EVC: variants seen among roughly 807,000 people sequenced by gnomAD.
EVC encodes EvC ciliary complex subunit 1.
Under a neutral mutation model 118.9 loss-of-function variants are expected in EVC, and 116 were observed. The ratio of observed to expected loss-of-function variants is 0.98; its 90% confidence interval spans 0.84 to 1.14. The LOEUF is 1.14. EVC is among the 50% of genes most tolerant of loss of function. The pLI is 0.00. For missense variants in EVC, 1,401 were observed against 1,246.4 expected (o/e 1.12, Z -1.87); for synonymous variants, 619 against 534.7 (o/e 1.16, Z -2.18).
At position 5,801,846 on chromosome 4, in the gene EVC, T is replaced by C; in HGVS notation, c.2305-104T>C. On this transcript the variant is annotated intron_variant, in intron 15 of 20. Coordinates refer to ENST00000264956, the MANE Select transcript of EVC (RefSeq NM_153717.3). ...TGACCAATCCAGGTTGGTGAGTAGGTGGAAGATCTGAACCAGGGCATGGGG... is the reference window on the plus strand; with the variant it reads ...TGACCAATCCAGGTTGGTGAGTAGGCGGAAGATCTGAACCAGGGCATGGGG... 3.0e-6 allele frequency: 4 copies of C among 1,334,588 alleles called. No homozygotes were observed. In the South Asian group the frequency reaches 3.8e-5, roughly 13 times the overall value. 82.7% of individuals were successfully genotyped at this position (1,334,588 alleles called of 1,614,324 possible).
rs1577451681 is a variant in EVC at position 5,755,777 on chromosome 4, C to G, written c.1465-487C>G. Among the ~76,000 whole-genome samples, 1 of 152,210 alleles carries G rather than the reference C, an allele frequency of 6.6e-6. No individual in the cohort carries two copies. Among genetic ancestry groups the G allele is most frequent in the South Asian group, 2.1e-4 (1 of 4,828 alleles). On this transcript the variant is annotated intron_variant, in intron 10 of 20. Transcript: ENST00000264956. This position sits in a 1 kb window ranked among gnomAD's most constrained non-coding sequence, Gnocchi z 4.1. ...TGTTTAGGGCTGGCTGGGTCTCCCC[C>G]TGCTGATGCCCGGGTTAGCCCAGTC...
intron 2 of EVC, among the ~76,000 whole-genome samples, chr4:5,723,281 CTGGAT>C (rs1411110659): frequency 6.6e-6 from 1 of 151,830 alleles, no homozygotes; most frequent in Non-Finnish European, 1.5e-5. Flanking sequence ...CCTCTGCCTC[CTGGAT>C]TCAGGTGATT....
At chr4:5,744,722 C>T (rs551044370) in intron 6 of EVC, among the ~76,000 whole-genome samples, 1 of 152,286 alleles carries the variant, frequency 6.6e-6, no homozygotes, top group South Asian at 2.1e-4. Flanking sequence ...AGGCTGATAT[C>T]ACACCAGAGC....
At chr4:5,825,404 G>A in the EVC span, 40 of 1,488,226 alleles carry the variant, frequency 2.7e-5, no homozygotes, top group Non-Finnish European at 3.6e-5. This position sits in a 1 kb window ranked among gnomAD's most constrained non-coding sequence, Gnocchi z 4.4. Context: ...TAGTGTCCAA[G>A]GCCACGTGTC....
intron 11 of EVC, among the ~76,000 whole-genome samples, chr4:5,775,338 AAG>A (rs1368219792): frequency 1.3e-5 from 2 of 152,172 alleles, no homozygotes; most frequent in Non-Finnish European, 2.9e-5. Context: ...TAGAGCAAGA[AAG>A]AGAATGTAGC....
Position 5,711,491 on chromosome 4 carries a change from G to GCTCGGC in EVC, c.126_131dup (p.Gly43_Leu44dup), listed in dbSNP as rs1164121689. The GCTCGGC allele has an allele frequency of 2.2e-4, 251 of 1,124,424 alleles. 1 individual carries two copies. The highest frequency in any genetic ancestry group is 5.5e-4 in the South Asian group (13 of 23,640). The allele number at this position is 1,124,424 out of a possible 1,614,324, so 69.7% of individuals were successfully genotyped here. A position where few individuals can be genotyped will look rare whatever the true frequency, so the allele number is the denominator to read the frequency against. ...CCCCCGCCGTGCTGCTGGGCGCCGC[G>GCTCGGC]CTCGGCCTCGGCCTCGGCCTTTGGC... On this transcript the variant is annotated inframe_insertion, in exon 1 of 21. Coordinates refer to ENST00000264956, the MANE Select transcript of EVC (RefSeq NM_153717.3).
intron 1 of EVC, among the ~76,000 whole-genome samples, chr4:5,718,975 C>T (rs1724463270): frequency 6.6e-6 from 1 of 152,184 alleles, no homozygotes; most frequent in South Asian, 2.1e-4. Context: ...CCTCTTGCCT[C>T]AAGTCCTGAG....
intron 1 of EVC, among the ~76,000 whole-genome samples, chr4:5,717,338 A>G (rs1380804582): frequency 2.0e-5 from 3 of 152,162 alleles, no homozygotes; most frequent in African/African-American, 7.2e-5. Flanking sequence ...TTATTTGTTT[A>G]AAGTTTTTTT....
At position 5,743,759 on chromosome 4, in the gene EVC, C is replaced by T. The variant is rs185600113; in HGVS notation, c.802-1445C>T. Among the ~76,000 whole-genome samples the T allele has an allele frequency of 9.8e-5, 15 of 152,350 alleles. No homozygotes were observed. Among genetic ancestry groups the T allele is most frequent in the Admixed American group, 9.1e-4 (14 of 15,306 alleles). Reference sequence around the variant, plus strand: ...ATGGTCATGGTCCTCAGGCAGTGCACGTCGTGCTTGACATACATTATTTCA... The same window carrying T: ...ATGGTCATGGTCCTCAGGCAGTGCATGTCGTGCTTGACATACATTATTTCA... On this transcript the variant is annotated intron_variant, in intron 6 of 20. Transcript: ENST00000264956. The surrounding 1 kb of genome is among the most constrained non-coding windows in gnomAD (Gnocchi z 4.7).
At position 5,749,206 on chromosome 4, in the gene EVC, T is replaced by C. The variant is rs968718585; in HGVS notation, c.1098+900T>C. Among the ~76,000 whole-genome samples the C allele has an allele frequency of 1.3e-5, 2 of 152,130 alleles. No individual in the cohort carries two copies. The highest frequency in any genetic ancestry group is 4.8e-5 in the African/African-American group (2 of 41,418). On this transcript the variant is annotated intron_variant, in intron 8 of 20. Coordinates refer to ENST00000264956, the MANE Select transcript of EVC (RefSeq NM_153717.3). The surrounding 1 kb of genome is among the most constrained non-coding windows in gnomAD (Gnocchi z 4.4). ...GGTTTTAAAACTCCCTGAACTATTCTGACGGGAGGCCAGGGATACAAACCC... is the reference window on the plus strand; with the variant it reads ...GGTTTTAAAACTCCCTGAACTATTCCGACGGGAGGCCAGGGATACAAACCC...
Position 5,756,435 on chromosome 4 carries a change from G to A in EVC, c.1563+73G>A. On this transcript the variant is annotated intron_variant, in intron 11 of 20. Transcript: ENST00000264956. The surrounding 1 kb of genome is among the most constrained non-coding windows in gnomAD (Gnocchi z 4.2). ...GTGTGCGAGAACCTCACATCCTCCT[G>A]GCTGGGGACCCCAGAGGTGGTTCAG... The A allele has an allele frequency of 1.5e-6, 2 of 1,348,208 alleles. No homozygotes were observed. Among genetic ancestry groups the A allele is most frequent in the Non-Finnish European group, 2.1e-6 (2 of 962,764 alleles). The allele number at this position is 1,348,208 out of a possible 1,614,324, so 83.5% of individuals were successfully genotyped here. A position where few individuals can be genotyped will look rare whatever the true frequency, so the allele number is the denominator to read the frequency against.
chr4:5,820,134 T>C, the EVC span, among the ~76,000 whole-genome samples: 1 of 152,178 alleles, frequency 6.6e-6, no homozygotes, highest in Non-Finnish European at 1.5e-5. Flanking sequence ...CTGAGTCAGT[T>C]TCCTCATCTG....
In EVC at chr4:5,789,034, A is replaced by C. The variant is rs1712259716; in HGVS notation, c.1777-4574A>C. 1.3e-5 allele frequency among the ~76,000 whole-genome samples: 2 copies of C among 152,184 alleles called. No individual in the cohort carries two copies. The highest frequency in any genetic ancestry group is 2.9e-5 in the Non-Finnish European group (2 of 68,036). On this transcript the variant is annotated intron_variant, in intron 12 of 20. Coordinates refer to ENST00000264956, the MANE Select transcript of EVC (RefSeq NM_153717.3). This position sits in a 1 kb window ranked among gnomAD's most constrained non-coding sequence, Gnocchi z 4.3. ...ATCCTGTATGCCACTAATTTTTAGG[A>C]TACATATTTAAAAATATTTTAACAT...
At chr4:5,712,486 A>T (rs1723205467) in intron 1 of EVC, among the ~76,000 whole-genome samples, 2 of 152,188 alleles carry the variant, frequency 1.3e-5, no homozygotes, top group South Asian at 4.1e-4. Context: ...GCATTCCATG[A>T]ATAGTGGTAT....
chr4:5,753,785 A>C lies in EVC; in HGVS notation c.1316A>C (p.Glu439Ala). ...ATGCTGTGGCTTTTTTCAATCCCAG[A>C]GTTTGTCCAGCGAGGCAAAGACCTG... ...FWQEAERFSR[E>A]FVQRGKDLVT... Residue 439 changes from glutamate to alanine, a missense_variant and splice_region_variant, in exon 10 of 21, where the codon GAG (glutamate) becomes GCG (alanine). Coordinates refer to ENST00000264956, the MANE Select transcript of EVC (RefSeq NM_153717.3). 6.2e-7 allele frequency: 1 copy of C among 1,613,892 alleles called. No individual in the cohort carries two copies. The highest frequency in any genetic ancestry group is 8.5e-7 in the Non-Finnish European group (1 of 1,179,926).
intron 11 of EVC, among the ~76,000 whole-genome samples, chr4:5,764,791 C>G (rs1560366035): frequency 6.8e-6 from 1 of 147,944 alleles, no homozygotes; most frequent in Non-Finnish European, 1.5e-5. Context: ...ATTCTTCTCT[C>G]TTTTCTTCTT....
At chr4:5,729,480 G>A (rs1414759502) in intron 3 of EVC, 90 bp downstream of exon 3, 1 of 1,253,612 alleles carries the variant, frequency 8.0e-7, no homozygotes, top group Non-Finnish European at 1.2e-6. Context: ...ACTGTGTGAT[G>A]TTTGGTCCTG....
intron 15 of EVC, among the ~76,000 whole-genome samples, chr4:5,800,961 C>T (rs1444380293): frequency 1.3e-5 from 2 of 152,160 alleles, no homozygotes; most frequent in East Asian, 1.9e-4. Flanking sequence ...AAATATTTGC[C>T]GAAATGGGGA....
chr4:5,825,737 C>T, the EVC span: 29 of 1,490,798 alleles, frequency 1.9e-5, no homozygotes, highest in African/African-American at 5.7e-5. The surrounding 1 kb of genome is among the most constrained non-coding windows in gnomAD (Gnocchi z 4.4). Context: ...CAGAGCCCTG[C>T]GGGCGAGAGA....
Sources: allele counts gnomAD v4.1 joint callset (sites outside exome capture counted in the v4.1 genomes callset), GRCh38; gene constraint gnomAD v4.1.1; non-coding constraint Gnocchi (gnomAD v3.1); transcripts MANE v1.5; gene names NCBI Gene and HGNC (gene_info 2026-07-23, HGNC 2026-07-21).